ASXL1: variants seen among roughly 807,000 people sequenced by gnomAD.
ASXL1 encodes polycomb group protein ASXL1.
Under a neutral mutation model 89.1 loss-of-function variants are expected in ASXL1, and 65 were observed. The observed-to-expected ratio is 0.73, with a 90% CI of 0.60 to 0.90. The LOEUF is 0.90. ASXL1 is among the 40% of genes least tolerant of loss of function. ASXL1 has a pLI of 0.00. For missense variants in ASXL1, 1,786 were observed against 1,942.9 expected (o/e 0.92, Z 1.52); for synonymous variants, 739 against 746.9 (o/e 0.99, Z 0.17).
intron 4 of ASXL1, among the ~76,000 whole-genome samples, chr20:32,425,298 G>A (rs147667436): frequency 9.8e-5 from 15 of 152,304 alleles, no homozygotes; most frequent in African/African-American, 2.9e-4. Flanking sequence ...GATTTCAAAT[G>A]CTGCATCATG....
At chr20:32,398,603 G>GTTTTTTT (rs375341392) in intron 4 of ASXL1, among the ~76,000 whole-genome samples, 2 of 126,448 alleles carry the variant, frequency 1.6e-5, no homozygotes, top group Non-Finnish European at 3.2e-5. Context: ...TTTTTTGTTT[G>GTTTTTTT]TTTTTTTTTT....
intron 4 of ASXL1, among the ~76,000 whole-genome samples, chr20:32,376,668 C>G (rs2048383095): frequency 6.6e-6 from 1 of 151,794 alleles, no homozygotes; most frequent in Non-Finnish European, 1.5e-5. Context: ...TGCCTGTTCT[C>G]CCTTATGTGT....
At position 32,431,487 on chromosome 20, in the gene ASXL1, G is replaced by A. The variant is rs2123235560; in HGVS notation, c.882+3G>A. 6.2e-7 allele frequency: 1 copy of A among 1,614,122 alleles called. No individual in the cohort carries two copies. Among genetic ancestry groups the A allele is most frequent in the Non-Finnish European group, 8.5e-7 (1 of 1,180,018 alleles). On this transcript the variant is annotated splice_donor_region_variant and intron_variant, in intron 9 of 12. Transcript: ENST00000375687. ...TCCTGCCTGAAGTAGACAGACAGGT[G>A]CACATGGGCAGCCTCCCCTTTGCCT...
intron 4 of ASXL1, among the ~76,000 whole-genome samples, chr20:32,422,174 C>T (rs940149039): frequency 6.8e-6 from 1 of 147,116 alleles, no homozygotes; most frequent in African/African-American, 2.5e-5. Context: ...CCACCGCGCC[C>T]GGCCGAGAGG....
intron 4 of ASXL1, 187 bp from the exon 5 acceptor site, chr20:32,427,941 G>A (rs1322239051): frequency 2.6e-6 from 2 of 779,490 alleles, no homozygotes; most frequent in Admixed American, 2.3e-5. Flanking sequence ...ATGCAAAAGT[G>A]TATCTAACTT....
chr20:32,369,943 A>AC (rs1203175397), intron 4 of ASXL1, among the ~76,000 whole-genome samples: 6 of 146,950 alleles, frequency 4.1e-5, no homozygotes, highest in Non-Finnish European at 7.5e-5. Context: ...CTCGTCTTGA[A>AC]CTCCTGACCT....
chr20:32,405,546 A>C (rs2048940698), intron 4 of ASXL1, among the ~76,000 whole-genome samples: 1 of 152,186 alleles, frequency 6.6e-6, no homozygotes, highest in Non-Finnish European at 1.5e-5. Flanking sequence ...TGTCCATGTA[A>C]TGTCCTTTTT....
chr20:32,429,406 C>T lies in ASXL1; in HGVS notation c.540C>T (p.Asn180=), dbSNP rs74346706. 5.5e-4 allele frequency: 893 copies of T among 1,614,136 alleles called. 3 individuals carry two copies. The African/African-American group carries it at 0.011, about 20-fold the overall frequency. ...TTGTCCTGACTCCTCTGAAGGTAAA[C>T]GGGGCCCACGTGGAATCTGCATCAG... ...PRVVLTPLKV[N]GAHVESASGF... Residue 180 remains asparagine (N), a synonymous_variant, in exon 7 of 13, where the codon AAC becomes AAT. Coordinates refer to ENST00000375687, the MANE Select transcript of ASXL1 (RefSeq NM_015338.6). This position sits in a 1 kb window ranked among gnomAD's most constrained non-coding sequence, Gnocchi z 4.9.
At chr20:32,397,987 A>C (rs1026044543) in intron 4 of ASXL1, among the ~76,000 whole-genome samples, 25 of 152,358 alleles carry the variant, frequency 1.6e-4, no homozygotes, top group Admixed American at 6.5e-5. Flanking sequence ...GATGTGAAAC[A>C]AATTTACCAA....
Position 32,435,802 on chromosome 20 carries a change from C to T in ASXL1, c.3090C>T (p.Asp1030=). ...EAAVTKGSSV[D]KDEKPNWNQS... ...CAGTGACAAAGGGATCTTCGGTGGA[C>T]AAGGATGAGAAACCCAATTGGAACC... Residue 1030 remains aspartate (D), a synonymous_variant, in exon 13 of 13, where the codon GAC becomes GAT. Transcript: ENST00000375687. 1.2e-6 allele frequency: 2 copies of T among 1,614,138 alleles called. No individual in the cohort carries two copies. Among genetic ancestry groups the T allele is most frequent in the East Asian group, 2.2e-5 (1 of 44,888 alleles).
intron 4 of ASXL1, among the ~76,000 whole-genome samples, chr20:32,369,724 T>TA: frequency 7.1e-6 from 1 of 141,454 alleles, no homozygotes; most frequent in Non-Finnish European, 1.5e-5. Context: ...GTGCCTTTTT[T>TA]TTTTTTTTTT....
chr20:32,380,147 T>C (rs6141694), intron 4 of ASXL1, among the ~76,000 whole-genome samples: 53,096 of 150,676 alleles, frequency 0.35, 10,266 homozygotes, highest in East Asian at 0.74. Flanking sequence ...CTGGGCGTGG[T>C]GGCGGCCGCC....
chr20:32,413,731 G>A (rs1249213799), intron 4 of ASXL1, among the ~76,000 whole-genome samples: 1 of 152,194 alleles, frequency 6.6e-6, no homozygotes, highest in Non-Finnish European at 1.5e-5. Flanking sequence ...CGTGCATGTG[G>A]CTGTTTTCCT....
chr20:32,359,149 C>T, intron 1 of ASXL1: 1 of 640,950 alleles, frequency 1.6e-6, no homozygotes, highest in Non-Finnish European at 2.8e-6. Context: ...CACTATTTGG[C>T]AGCGTCTGGG....
At chr20:32,368,905 C>T (rs1444792430) in intron 3 of ASXL1, 110 bp from the exon 4 acceptor site, 9 of 801,962 alleles carry the variant, frequency 1.1e-5, no homozygotes, top group African/African-American at 8.6e-5. Flanking sequence ...ATTTTTTCTT[C>T]TGTATTTCTT....
Position 32,397,005 on chromosome 20 carries a change from CAAACA to C in ASXL1, c.252+27886_252+27890del, listed in dbSNP as rs1484536873. ...AATTAAACATTGCAAAAAAAAAAAACAAACAAAAAAAACTCACTGTGGCTTTTTTT... is the reference window on the plus strand; with the variant it reads ...AATTAAACATTGCAAAAAAAAAAAACAAAAAAACTCACTGTGGCTTTTTTT... On this transcript the variant is annotated intron_variant, in intron 4 of 12. Coordinates refer to ENST00000375687, the MANE Select transcript of ASXL1 (RefSeq NM_015338.6). Among the ~76,000 whole-genome samples the C allele has an allele frequency of 5.0e-4, 57 of 114,870 alleles. 2 individuals are homozygous for C. The East Asian group carries it at 0.017, about 34-fold the overall frequency. 75.4% of individuals were successfully genotyped at this position (114,870 alleles called of 152,430 possible).
In ASXL1 at chr20:32,433,504, G is replaced by A. The variant is rs1410759251; in HGVS notation, c.1306G>A (p.Ala436Thr). 1 of 1,614,204 alleles carries A rather than the reference G, an allele frequency of 6.2e-7. No homozygotes were observed. Among genetic ancestry groups the A allele is most frequent in the Non-Finnish European group, 8.5e-7 (1 of 1,180,044 alleles). ...KKQESEQAGVAKDAKSVASDV... is the reference protein window; with the variant it reads ...KKQESEQAGVTKDAKSVASDV... ...ACAGGAGTCAGAACAAGCAGGGGTT[G>A]CTAAGGATGCAAAATCTGTGGCCTC... Residue 436 changes from alanine (A) to threonine (T), a missense_variant, in exon 12 of 13, where the codon GCT becomes ACT. Physicochemically the swap from Ala to Thr is moderately conservative, Grantham distance 58 (BLOSUM62 0). Transcript: ENST00000375687.
intron 4 of ASXL1, among the ~76,000 whole-genome samples, chr20:32,392,786 A>AT (rs2048695824): frequency 6.6e-6 from 1 of 152,102 alleles, no homozygotes; most frequent in Admixed American, 6.5e-5. Flanking sequence ...AAATCCAGAG[A>AT]TCTTACTGTT....
intron 4 of ASXL1, among the ~76,000 whole-genome samples, chr20:32,392,787 T>C (rs1410450428): frequency 6.6e-6 from 1 of 152,108 alleles, no homozygotes; most frequent in Non-Finnish European, 1.5e-5. Flanking sequence ...AATCCAGAGA[T>C]CTTACTGTTA....
Sources: allele counts gnomAD v4.1 joint callset (sites outside exome capture counted in the v4.1 genomes callset), GRCh38; gene constraint gnomAD v4.1.1; non-coding constraint Gnocchi (gnomAD v3.1); transcripts MANE v1.5; gene names NCBI Gene and HGNC (gene_info 2026-07-23, HGNC 2026-07-21).